PRKDC: variants seen among roughly 807,000 people sequenced by gnomAD.
PRKDC encodes DNA-dependent protein kinase catalytic subunit.
A neutral mutation model predicts 486.9 loss-of-function variants in PRKDC; 82 were observed. The observed-to-expected ratio is 0.17, with a 90% CI of 0.14 to 0.20. The LOEUF is 0.20. Ranked by LOEUF, PRKDC falls within the 10% of genes least tolerant of loss-of-function variation. PRKDC has a pLI of 1.00. For synonymous variants in PRKDC, 1,895 were observed against 1,837.0 expected (o/e 1.03, Z -0.81); for missense variants, 4,504 against 5,038.2 (o/e 0.89, Z 3.21).
intron 7 of PRKDC, among the ~76,000 whole-genome samples, chr8:47,946,373 A>G (rs4873772): frequency 0.69 from 104,686 of 151,706 alleles, 36,412 homozygotes; most frequent in East Asian, 0.86. Flanking sequence ...CCATTTCTTT[A>G]CTCTCTTCCA....
rs2087665180 is a variant in PRKDC, at chr8:47,823,883, G to A, written c.8897C>T (p.Ser2966Phe). The A allele has an allele frequency of 6.2e-7, 1 of 1,613,654 alleles. No individual in the cohort carries two copies. Among genetic ancestry groups the A allele is most frequent in the African/African-American group, 1.3e-5 (1 of 74,906 alleles). The change falls in exon 64 of 86, where the codon TCT (serine) becomes TTT (phenylalanine). Residue 2966 changes from serine (S) to phenylalanine (F), a missense_variant. By Grantham distance (155) the Ser-to-Phe change is radical (BLOSUM62 -2). This residue lies in a region of PRKDC where 1,592 missense variants were observed against 1,724.6 expected (regional missense o/e 0.92). Coordinates refer to ENST00000314191, the MANE Select transcript of PRKDC (RefSeq NM_006904.7). Reference sequence around the variant, plus strand: ...CTCATCATACTGCTTAGCAGCTTCAGAATAATCACTTCTGGCTTCTGCTAA... The same window carrying A: ...CTCATCATACTGCTTAGCAGCTTCAAAATAATCACTTCTGGCTTCTGCTAA... ...ALLAEARSDY[S>F]EAAKQYDEAL...
intron 31 of PRKDC, among the ~76,000 whole-genome samples, chr8:47,891,644 C>T (rs977130699): frequency 2.6e-5 from 4 of 151,848 alleles, no homozygotes; most frequent in Admixed American, 1.3e-4. Flanking sequence ...GGCATGATCC[C>T]GGGAGGATGA....
At chr8:47,882,822 A>T (rs2089250216) in intron 36 of PRKDC, among the ~76,000 whole-genome samples, 3 of 152,200 alleles carry the variant, frequency 2.0e-5, no homozygotes, top group African/African-American at 7.2e-5. Flanking sequence ...CACATTTTGT[A>T]CTCTCTGAAG....
intron 21 of PRKDC, among the ~76,000 whole-genome samples, chr8:47,926,004 T>C (rs868493557): frequency 2.0e-5 from 3 of 152,316 alleles, no homozygotes; most frequent in Non-Finnish European, 4.4e-5. Flanking sequence ...TATCGAATCA[T>C]CTAGATAGGG....
chr8:47,917,505 T>A (rs2090005194), intron 22 of PRKDC, among the ~76,000 whole-genome samples: 1 of 152,178 alleles, frequency 6.6e-6, no homozygotes, highest in Non-Finnish European at 1.5e-5. Context: ...AAAATAGCTA[T>A]TTTCCCTATT....
chr8:47,918,180 A>G, intron 22 of PRKDC, 97 bp downstream of exon 22: 2 of 825,626 alleles, frequency 2.4e-6, no homozygotes, highest in South Asian at 2.4e-5. Context: ...GTATACAAAA[A>G]CAACTAACAT....
intron 68 of PRKDC, among the ~76,000 whole-genome samples, chr8:47,810,830 A>G (rs1277784738): frequency 1.3e-5 from 2 of 152,230 alleles, no homozygotes; most frequent in African/African-American, 4.8e-5. Context: ...CAAGTAAGAC[A>G]AAAGAAAATA....
At chr8:47,947,262 C>T (rs918602776) in intron 7 of PRKDC, among the ~76,000 whole-genome samples, 10 of 152,214 alleles carry the variant, frequency 6.6e-5, no homozygotes, top group Admixed American at 3.3e-4. Flanking sequence ...TGCGTTACAT[C>T]CTCAGAAAGT....
At chr8:47,788,673 G>A (rs952126848) in intron 76 of PRKDC, among the ~76,000 whole-genome samples, 4 of 152,144 alleles carry the variant, frequency 2.6e-5, no homozygotes, top group Admixed American at 6.5e-5. Context: ...CATGAACAAC[G>A]TGTAATGAAA....
rs752823972 is a variant in PRKDC, at chr8:47,857,308, G to A, written c.6466-9C>T. 1.1e-5 allele frequency: 17 copies of A among 1,597,010 alleles called. No homozygotes were observed. Among genetic ancestry groups the A allele is most frequent in the Non-Finnish European group, 8.5e-7 (1 of 1,173,406 alleles). Reference sequence around the variant, plus strand: ...GCGTAAGGGCGAAAGACCTACAAGAGGATGTAAAAGTCAAACATCAAAGAA... The same window carrying A: ...GCGTAAGGGCGAAAGACCTACAAGAAGATGTAAAAGTCAAACATCAAAGAA... On this transcript the variant is annotated splice_polypyrimidine_tract_variant and intron_variant, in intron 48 of 85. Coordinates refer to ENST00000314191, the MANE Select transcript of PRKDC (RefSeq NM_006904.7).
At chr8:47,799,980 A>G (rs368142863) in intron 71 of PRKDC, among the ~76,000 whole-genome samples, 3 of 152,328 alleles carry the variant, frequency 2.0e-5, no homozygotes, top group East Asian at 1.9e-4. Flanking sequence ...AGTTCTTTTA[A>G]TTCAAAAAAA....
chr8:47,781,663 C>T (rs1351044543), intron 80 of PRKDC, among the ~76,000 whole-genome samples: 1 of 152,064 alleles, frequency 6.6e-6, no homozygotes, highest in Non-Finnish European at 1.5e-5. Context: ...GAAAAGGATA[C>T]AGAAAAATAA....
At chr8:47,827,118 TCACACACACACACA>T (rs61385951) in intron 62 of PRKDC, among the ~76,000 whole-genome samples, 2,459 of 128,234 alleles carry the variant, frequency 0.019, 53 homozygotes, top group African/African-American at 0.052. Flanking sequence ...AATATGAAGA[TCACACACACACACA>T]CACACACACA....
chr8:47,830,655 T>C lies in PRKDC; in HGVS notation c.8347A>G (p.Ile2783Val), dbSNP rs779710603. 1 of 1,614,030 alleles carries C rather than the reference T, an allele frequency of 6.2e-7. No individual in the cohort carries two copies. Among genetic ancestry groups the C allele is most frequent in the Non-Finnish European group, 8.5e-7 (1 of 1,179,882 alleles). Residue 2783 changes from isoleucine (I) to valine (V), a missense_variant, in exon 61 of 86, where the codon ATT becomes GTT. Physicochemically the swap from Ile to Val is conservative, Grantham distance 29 (BLOSUM62 3). Coordinates refer to ENST00000314191, the MANE Select transcript of PRKDC (RefSeq NM_006904.7). ...ATGAGGCTGCTGTGCTTGATCTGAA[T>C]GTCAGGAAGGTCTCCGTGCCGGTAG... ...RSYRHGDLPDIQIKHSSLITP... is the reference protein window; with the variant it reads ...RSYRHGDLPDVQIKHSSLITP...
rs771482106 is a variant in PRKDC at position 47,927,785 on chromosome 8, C to G, written c.2245G>C (p.Val749Leu). ...ACAACGCCTACCTGCAGTGCAGGAA[C>G]GTAGGCTCTAACATCGAGTTCAATG... ...NIIELDVRAY[V>L]PALQMAFKLG... is the part of the protein sequence containing the mutation. The change falls in exon 20 of 86, where the codon GTT (valine) becomes CTT (leucine). Residue 749 changes from valine (V) to leucine (L), a missense_variant. Val to Leu is a conservative substitution (Grantham distance 32, BLOSUM62 1). Around this residue, in one of 6 missense-constraint regions of PRKDC, gnomAD observed 1,969 missense variants for 2,068.9 expected, o/e 0.95. Transcript: ENST00000314191. 4 of 1,564,492 alleles carry G rather than the reference C, an allele frequency of 2.6e-6. No homozygotes were observed. In the Admixed American group the frequency reaches 5.9e-5, roughly 23 times the overall value.
At chr8:47,852,637 A>C (rs186383533) in intron 52 of PRKDC, 36 bp downstream of exon 52, 1 of 1,288,796 alleles carries the variant, frequency 7.8e-7, no homozygotes, top group Admixed American at 2.1e-5. Flanking sequence ...AAAACAGAGT[A>C]AGAGGTATTT....
intron 44 of PRKDC, 120 bp downstream of exon 44, chr8:47,861,942 G>C: frequency 1.3e-6 from 1 of 758,106 alleles, no homozygotes; most frequent in Non-Finnish European, 2.1e-6. Flanking sequence ...GAAACCACAT[G>C]AAACCACCAG....
intron 54 of PRKDC, among the ~76,000 whole-genome samples, chr8:47,841,228 T>C (rs1026644961): frequency 2.0e-5 from 3 of 152,190 alleles, no homozygotes; most frequent in Non-Finnish European, 1.5e-5. Context: ...CACCAGCCTA[T>C]GTGGAGCCCA....
At chr8:47,830,875 C>T (rs1344847318) in intron 60 of PRKDC, 139 bp from the exon 61 acceptor site, 2 of 957,420 alleles carry the variant, frequency 2.1e-6, no homozygotes, top group East Asian at 4.9e-5. Context: ...GGCTCAGTCG[C>T]CGTACTTTAC....
Sources: gnomAD v4.1 joint callset for allele counts (sites outside exome capture counted in the v4.1 genomes callset) on GRCh38, gnomAD v4.1.1 for gene constraint, gnomAD v4.1.1 regional missense constraint, MANE v1.5 for transcripts, NCBI Gene and HGNC (gene_info 2026-07-23, HGNC 2026-07-21) for gene names.